The following INTS3 variants were observed in gnomAD, a reference collection of about 807,000 sequenced individuals.
INTS3 encodes the protein SOSS complex subunit A.
INTS3 carries 34 observed loss-of-function variants against 146.3 expected under a neutral mutation model. That is an observed-to-expected ratio of 0.23 (90% CI 0.18 to 0.31). The LOEUF is 0.31. Among genes scored for constraint, INTS3 ranks in the 10% least tolerant of loss-of-function variants. The pLI is 1.00. For synonymous variants in INTS3, 475 were observed against 494.9 expected (o/e 0.96, Z 0.53); for missense variants, 757 against 1,304.2 (o/e 0.58, Z 6.46).
chr1:153,747,104 A>C, intron 4 of INTS3, 34 bp downstream of exon 4: 18 of 1,486,466 alleles, frequency 1.2e-5, no homozygotes, highest in South Asian at 3.4e-5. Context: ...GATCCAGCTC[A>C]AAGAGAGAGG....
At chr1:153,766,839 A>G (rs1044004699) in intron 20 of INTS3, 5 of 151,454 alleles carry the variant, frequency 3.3e-5, no homozygotes, top group African/African-American at 1.2e-4. Context: ...ACAGGCGCAC[A>G]CCACCACGCC....
intron 13 of INTS3, chr1:153,761,127 T>C: frequency 7.5e-7 from 1 of 1,335,054 alleles, no homozygotes; most frequent in Non-Finnish European, 9.9e-7. Context: ...AATGCCTTCA[T>C]GTTCCCTGTT....
chr1:153,760,081 CTT>C (rs1672316326), intron 11 of INTS3: 1 of 578,156 alleles, frequency 1.7e-6, no homozygotes, highest in East Asian at 2.8e-5. Context: ...AACAGACTGA[CTT>C]TAGCCTGGCG....
intron 1 of INTS3, among the ~76,000 whole-genome samples, chr1:153,732,136 C>T (rs1456380125): frequency 6.6e-6 from 1 of 152,004 alleles, no homozygotes; most frequent in Non-Finnish European, 1.5e-5. Context: ...CTCCTGACCT[C>T]AGGTGATCCA....
chr1:153,761,049 T>G, intron 13 of INTS3, 131 bp downstream of exon 13: 2 of 1,479,948 alleles, frequency 1.4e-6, no homozygotes, highest in Admixed American at 2.5e-5. Context: ...TACCTCAGAC[T>G]GCTGGGCATA....
At chr1:153,771,045 C>G (rs1045664352) in intron 25 of INTS3, among the ~76,000 whole-genome samples, 1 of 152,084 alleles carries the variant, frequency 6.6e-6, no homozygotes, top group African/African-American at 2.4e-5. Context: ...GCGCCCCCCC[C>G]ACCGCCCCAT....
At chr1:153,744,643 C>T (rs1671657686) in intron 3 of INTS3, among the ~76,000 whole-genome samples, 2 of 152,280 alleles carry the variant, frequency 1.3e-5, no homozygotes, top group Admixed American at 6.5e-5. Context: ...ACAATAGAGG[C>T]AGAAGGAAGT....
intron 7 of INTS3, 75 bp from the exon 8 acceptor site, chr1:153,752,204 T>C (rs1671983473): frequency 7.0e-7 from 1 of 1,421,514 alleles, no homozygotes; most frequent in Non-Finnish European, 9.9e-7. Flanking sequence ...GTTGTTCCTT[T>C]GTCCTCCCTC....
intron 3 of INTS3, among the ~76,000 whole-genome samples, chr1:153,746,153 C>T (rs1211972282): frequency 6.6e-6 from 1 of 152,206 alleles, no homozygotes; most frequent in Non-Finnish European, 1.5e-5. Context: ...ATCTTCTTCC[C>T]TTACTACTCC....
At chr1:153,739,905 C>T (rs1207923748) in intron 1 of INTS3, among the ~76,000 whole-genome samples, 1 of 151,326 alleles carries the variant, frequency 6.6e-6, no homozygotes, top group East Asian at 1.9e-4. Flanking sequence ...AGCAATTCTC[C>T]TGCCTCAGTC....
chr1:153,772,314 C>T lies in INTS3; in HGVS notation c.2721-26C>T. 1.2e-6 allele frequency: 2 copies of T among 1,609,318 alleles called. No individual in the cohort carries two copies. The highest frequency in any genetic ancestry group is 8.5e-7 in the Non-Finnish European group (1 of 1,176,944). ...ACTCTGGAACCCTCCCACACTCAGA[C>T]TCTGGCTCTGGTGATTCCTGCACAG... On this transcript the variant is annotated intron_variant, in intron 26 of 29. Transcript: ENST00000318967. The surrounding 1 kb of genome is among the most constrained non-coding windows in gnomAD (Gnocchi z 4.6).
At chr1:153,770,154 CGTTT>C (rs754768788) in intron 23 of INTS3, 40 bp from the exon 24 acceptor site, 8 of 935,778 alleles carry the variant, frequency 8.5e-6, no homozygotes, top group Non-Finnish European at 1.3e-5. Flanking sequence ...TGTGTGTGTT[CGTTT>C]GTTCATTCTT....
intron 14 of INTS3, among the ~76,000 whole-genome samples, chr1:153,762,063 A>G (rs1672402826): frequency 1.3e-5 from 2 of 152,210 alleles, no homozygotes; most frequent in African/African-American, 4.8e-5. Context: ...CTTACTCTCA[A>G]TACAACTGCC....
chr1:153,743,809 T>C (rs1251534095), intron 3 of INTS3, among the ~76,000 whole-genome samples: 1 of 152,110 alleles, frequency 6.6e-6, no homozygotes, highest in Non-Finnish European at 1.5e-5. Context: ...AAGGGTCTAA[T>C]GTCAAGGTCT....
In INTS3 at chr1:153,770,418, T is replaced by G; in HGVS notation, c.2503+107T>G. On this transcript the variant is annotated intron_variant, in intron 24 of 29. Coordinates refer to ENST00000318967, the MANE Select transcript of INTS3 (RefSeq NM_023015.5). ...TAGGATGAGCCCAGATCCATTGTCC[T>G]CCTTCCCACCAAAGTGCACAAGGGC... 3 of 816,210 alleles carry G rather than the reference T, an allele frequency of 3.7e-6. 1 individual carries two copies. In the South Asian group the frequency reaches 4.2e-5, roughly 11 times the overall value. 50.6% of individuals were successfully genotyped at this position (816,210 alleles called of 1,614,324 possible). A position where few individuals can be genotyped will look rare whatever the true frequency, so the allele number is the denominator to read the frequency against.
intron 3 of INTS3, among the ~76,000 whole-genome samples, chr1:153,746,387 GCTT>G (rs1671736306): frequency 1.3e-5 from 2 of 152,186 alleles, no homozygotes; most frequent in Admixed American, 1.3e-4. Flanking sequence ...TGCCCAGCAG[GCTT>G]TTCTCTCCCC....
At chr1:153,734,146 C>G (rs1198444319) in intron 1 of INTS3, among the ~76,000 whole-genome samples, 1 of 152,032 alleles carries the variant, frequency 6.6e-6, no homozygotes, top group Non-Finnish European at 1.5e-5. Context: ...ACTCAGCTCT[C>G]TAAGGTACTG....
intron 3 of INTS3, among the ~76,000 whole-genome samples, chr1:153,743,638 C>G (rs1372850298): frequency 2.0e-5 from 3 of 152,110 alleles, no homozygotes; most frequent in Non-Finnish European, 4.4e-5. Context: ...CTTGGCAGCC[C>G]TTAGGAATGT....
At chr1:153,729,633 C>T (rs1670989661) in intron 1 of INTS3, among the ~76,000 whole-genome samples, 2 of 152,006 alleles carry the variant, frequency 1.3e-5, no homozygotes, top group Admixed American at 1.3e-4. Flanking sequence ...TTTGAGAGAC[C>T]GAGGCAGGCG....
Sources: gnomAD v4.1 joint callset for allele counts (sites outside exome capture counted in the v4.1 genomes callset) on GRCh38, gnomAD v4.1.1 for gene constraint, Gnocchi (gnomAD v3.1) non-coding constraint, MANE v1.5 for transcripts, NCBI Gene and HGNC (gene_info 2026-07-23, HGNC 2026-07-21) for gene names.